SPOP: variants seen among roughly 807,000 people sequenced by gnomAD.
The protein encoded by SPOP is speckle type BTB/POZ protein.
Under a neutral mutation model 45.6 loss-of-function variants are expected in SPOP, and 11 were observed. The observed-to-expected ratio is 0.24, with a 90% CI of 0.15 to 0.40. SPOP has a LOEUF of 0.40. SPOP is among the 10% of genes least tolerant of loss of function. SPOP has a pLI of 1.00. For synonymous variants in SPOP, 166 were observed against 166.3 expected (o/e 1.00, Z 0.01); for missense variants, 152 against 465.6 (o/e 0.33, Z 6.20).
At chr17:49,643,767 C>T (rs2072703053) in intron 1 of SPOP, among the ~76,000 whole-genome samples, 1 of 151,004 alleles carries the variant, frequency 6.6e-6, no homozygotes, top group Non-Finnish European at 1.5e-5. Flanking sequence ...CGCATCTCTA[C>T]AAAAACACAA....
At chr17:49,650,952 G>T (rs1045330810) in intron 1 of SPOP, among the ~76,000 whole-genome samples, 2 of 152,146 alleles carry the variant, frequency 1.3e-5, no homozygotes, top group African/African-American at 4.8e-5. Context: ...ACAGATCAAG[G>T]AACTGAACCC....
chr17:49,649,653 C>T (rs549223067), intron 1 of SPOP, among the ~76,000 whole-genome samples: 27 of 151,610 alleles, frequency 1.8e-4, no homozygotes, highest in Admixed American at 8.5e-4. Flanking sequence ...CACAGTGAAA[C>T]CCCGTCTCTA....
At chr17:49,609,713 G>A (rs1238739859) in intron 6 of SPOP, among the ~76,000 whole-genome samples, 1 of 152,042 alleles carries the variant, frequency 6.6e-6, no homozygotes, top group Non-Finnish European at 1.5e-5. Context: ...ATAAGTGGGA[G>A]GAAAGGAAGT....
chr17:49,629,819 C>T (rs1161160403), intron 1 of SPOP, among the ~76,000 whole-genome samples: 1 of 152,154 alleles, frequency 6.6e-6, no homozygotes, highest in Non-Finnish European at 1.5e-5. Flanking sequence ...GAGAGAGAGG[C>T]ATGAATCTCA....
At chr17:49,640,066 A>G (rs1010273592) in intron 1 of SPOP, among the ~76,000 whole-genome samples, 31 of 152,136 alleles carry the variant, frequency 2.0e-4, no homozygotes, top group Non-Finnish European at 2.9e-5. Flanking sequence ...CCTGGCCAAC[A>G]TGGTGAAACA....
chr17:49,661,481 A>G (rs2072986918), intron 1 of SPOP, among the ~76,000 whole-genome samples: 1 of 151,768 alleles, frequency 6.6e-6, no homozygotes, highest in African/African-American at 2.4e-5. Flanking sequence ...CAAAATACCC[A>G]CCCTTCAAAG....
chr17:49,619,665 C>T lies in SPOP; in HGVS notation c.201-280G>A, dbSNP rs909054557. On this transcript the variant is annotated intron_variant, in intron 3 of 9. Transcript: ENST00000504102. The surrounding 1 kb of genome is among the most constrained non-coding windows in gnomAD (Gnocchi z 4.9). ...CCTCCCACCCCAGCCTCCCGAGTAG[C>T]GGGGACTACAGATGTGCACCACCAT... Among the ~76,000 whole-genome samples, 4 of 152,022 alleles carry T rather than the reference C, an allele frequency of 2.6e-5. No homozygotes were observed. Among genetic ancestry groups the T allele is most frequent in the Admixed American group, 6.6e-5 (1 of 15,260 alleles).
intron 1 of SPOP, among the ~76,000 whole-genome samples, chr17:49,644,808 T>C (rs1283233525): frequency 1.3e-5 from 2 of 152,082 alleles, no homozygotes; most frequent in African/African-American, 2.4e-5. Flanking sequence ...CGTAAAGCAA[T>C]ACATTTTCAT....
At chr17:49,614,817 GT>G (rs2072048154) in intron 5 of SPOP, among the ~76,000 whole-genome samples, 1 of 150,290 alleles carries the variant, frequency 6.7e-6, no homozygotes. Flanking sequence ...GTGTGTGTGT[GT>G]GTGTGTGTGT....
chr17:49,620,686 C>G (rs1046744693), intron 3 of SPOP: 4 of 154,076 alleles, frequency 2.6e-5, no homozygotes, highest in African/African-American at 7.2e-5. Flanking sequence ...ACGGAGAGAT[C>G]AAAACAAAAT....
chr17:49,648,625 G>A (rs144282175), intron 1 of SPOP, among the ~76,000 whole-genome samples: 4 of 152,276 alleles, frequency 2.6e-5, no homozygotes, highest in African/African-American at 9.6e-5. Flanking sequence ...TGGTCCTGCC[G>A]GGCTGAGACT....
intron 7 of SPOP, among the ~76,000 whole-genome samples, 199 bp from the exon 8 acceptor site, chr17:49,607,571 A>G (rs992495789): frequency 2.0e-5 from 3 of 152,206 alleles, no homozygotes; most frequent in African/African-American, 4.8e-5. Context: ...TTTCTTAAAC[A>G]TAACAGCAAA....
chr17:49,649,484 T>C (rs1214928040), intron 1 of SPOP, among the ~76,000 whole-genome samples: 9 of 144,984 alleles, frequency 6.2e-5, no homozygotes, highest in African/African-American at 2.3e-4. Context: ...TGCAGTGAGC[T>C]AAGATTGTGC....
intron 1 of SPOP, among the ~76,000 whole-genome samples, chr17:49,639,799 C>T (rs979418313): frequency 3.4e-4 from 51 of 152,094 alleles, no homozygotes; most frequent in African/African-American, 1.1e-3. Context: ...CAATGGTATA[C>T]GTTATGATCT....
chr17:49,622,267 T>C, intron 2 of SPOP, 200 bp from the exon 3 acceptor site: 1 of 688,374 alleles, frequency 1.5e-6, no homozygotes, highest in Non-Finnish European at 2.6e-6. Context: ...TATAACTTTT[T>C]TCAGCTGCTG....
chr17:49,614,465 A>G (rs1484240978), intron 5 of SPOP, among the ~76,000 whole-genome samples: 1 of 152,260 alleles, frequency 6.6e-6, no homozygotes, highest in Non-Finnish European at 1.5e-5. Context: ...ATAATAAACA[A>G]GTGCATGATA....
At chr17:49,620,157 C>T (rs1355241182) in intron 3 of SPOP, among the ~76,000 whole-genome samples, 4 of 147,372 alleles carry the variant, frequency 2.7e-5, no homozygotes, top group Non-Finnish European at 4.5e-5. Flanking sequence ...GTAACAAGAA[C>T]GAAACTCCAT....
At chr17:49,614,307 C>T (rs2072037204) in intron 5 of SPOP, among the ~76,000 whole-genome samples, 1 of 152,124 alleles carries the variant, frequency 6.6e-6, no homozygotes, top group South Asian at 2.1e-4. Flanking sequence ...CTATTATATA[C>T]AGCACTAAAT....
intron 1 of SPOP, among the ~76,000 whole-genome samples, chr17:49,668,416 AC>A (rs1457142867): frequency 6.6e-6 from 1 of 152,194 alleles, no homozygotes; most frequent in Admixed American, 6.5e-5. Context: ...TCTCAAAAAA[AC>A]ATACTAAGCA....
Sources: gnomAD v4.1 joint callset for allele counts (sites outside exome capture counted in the v4.1 genomes callset) on GRCh38, gnomAD v4.1.1 for gene constraint, Gnocchi (gnomAD v3.1) non-coding constraint, MANE v1.5 for transcripts, NCBI Gene and HGNC (gene_info 2026-07-23, HGNC 2026-07-21) for gene names.